Variants in TMEM74 observed in about 807,000 individuals in gnomAD.
TMEM74 encodes the protein transmembrane protein 74.
TMEM74 carries 13 observed loss-of-function variants against 18.1 expected under a neutral mutation model. The observed-to-expected ratio is 0.72, with a 90% CI of 0.47 to 1.14. TMEM74 has a LOEUF of 1.14. TMEM74 is among the 50% of genes most tolerant of loss of function. The pLI, the probability that TMEM74 is intolerant of heterozygous loss-of-function variation, is 0.00. For missense variants in TMEM74, 372 were observed against 375.9 expected, an observed-to-expected ratio of 0.99 and a Z score of 0.09; for synonymous variants, 159 against 146.6, an observed-to-expected ratio of 1.08 and a Z score of -0.61.
At chr8:108,722,452 C>T (rs1303939680) in intron 1 of TMEM74, among the ~76,000 whole-genome samples, 1 of 152,168 alleles carries the variant, frequency 6.6e-6, no homozygotes, top group East Asian at 1.9e-4. Context: ...CAAAACTTTG[C>T]CACCAAAAAC....
chr8:108,736,511 A>C (rs2130643012), intron 1 of TMEM74, among the ~76,000 whole-genome samples: 1 of 152,142 alleles, frequency 6.6e-6, no homozygotes, highest in East Asian at 1.9e-4. Context: ...GGTATCATAG[A>C]AGCTATAGTT....
intron 1 of TMEM74, among the ~76,000 whole-genome samples, chr8:108,667,124 C>T (rs1258751954): frequency 1.3e-5 from 2 of 152,024 alleles, no homozygotes; most frequent in African/African-American, 2.4e-5. Context: ...ATGTGCTTTT[C>T]GAAGTGGCCA....
At chr8:108,761,862 C>T (rs932307249) in intron 1 of TMEM74, among the ~76,000 whole-genome samples, 14 of 152,026 alleles carry the variant, frequency 9.2e-5, no homozygotes, top group African/African-American at 3.1e-4. Context: ...CAAAAAAATT[C>T]GTCAAACACT....
intron 2 of TMEM74, chr8:108,626,859 G>A (rs182471782): frequency 1.1e-4 from 17 of 152,052 alleles, no homozygotes; most frequent in African/African-American, 3.9e-4. Context: ...ACCTCAGGAA[G>A]ATTCCCAAAT....
intron 1 of TMEM74, among the ~76,000 whole-genome samples, chr8:108,739,667 T>A (rs1276683870): frequency 3.3e-5 from 5 of 152,186 alleles, no homozygotes. Context: ...TGTGATTTTA[T>A]GTCAGAAGAT....
intron 1 of TMEM74, among the ~76,000 whole-genome samples, chr8:108,738,025 C>A (rs1356609505): frequency 6.6e-6 from 1 of 152,156 alleles, no homozygotes. Context: ...TTTTTACTAT[C>A]TCTTTAACTG....
At chr8:108,621,725 A>G (rs922517314) in intron 2 of TMEM74, among the ~76,000 whole-genome samples, 17 of 152,156 alleles carry the variant, frequency 1.1e-4, no homozygotes, top group Non-Finnish European at 1.0e-4. Flanking sequence ...TCTGCATTCA[A>G]ATCATCTTTG....
At chr8:108,757,721 A>G (rs1366049281) in intron 1 of TMEM74, among the ~76,000 whole-genome samples, 2 of 151,974 alleles carry the variant, frequency 1.3e-5, no homozygotes, top group Non-Finnish European at 2.9e-5. Context: ...ATGACACCAT[A>G]ATTAATAATG....
At chr8:108,759,831 G>T (rs185588878) in intron 1 of TMEM74, among the ~76,000 whole-genome samples, 1 of 152,232 alleles carries the variant, frequency 6.6e-6, no homozygotes, top group African/African-American at 2.4e-5. Context: ...TAAGATAAAC[G>T]TGCTGGGTTA....
chr8:108,641,500 G>T (rs951762191), intron 2 of TMEM74, among the ~76,000 whole-genome samples: 1 of 152,042 alleles, frequency 6.6e-6, no homozygotes, highest in African/African-American at 2.4e-5. Flanking sequence ...CTCCTGCTGT[G>T]CAGTCCATGT....
At position 108,638,563 on chromosome 8, in the gene TMEM74, T is replaced by TG. The variant is rs1812629983; in HGVS notation, n.264+16729_264+16730insC. On this transcript the variant is annotated intron_variant and non_coding_transcript_variant, in intron 2 of 3. Coordinates refer to the TMEM74 transcript ENST00000518838. ...GGTGAAATTTCCAAAGTCTCTAGCATTAAAAAAAAAAAAAAAAGTTTATCG... is the reference window on the plus strand; with the variant it reads ...GGTGAAATTTCCAAAGTCTCTAGCATGTAAAAAAAAAAAAAAAAGTTTATCG... Among the ~76,000 whole-genome samples the TG allele has an allele frequency of 3.7e-5, 5 of 136,432 alleles. No homozygotes were observed. In the East Asian group the frequency reaches 1.1e-3, roughly 30 times the overall value. The allele number at this position is 136,432 out of a possible 152,430, so 89.5% of individuals were successfully genotyped here.
intron 1 of TMEM74, among the ~76,000 whole-genome samples, chr8:108,761,108 G>A (rs764164359): frequency 2.0e-5 from 3 of 151,508 alleles, no homozygotes; most frequent in Non-Finnish European, 2.9e-5. Flanking sequence ...TCATCAATTC[G>A]TTCCTCCATC....
chr8:108,673,202 C>T (rs1232587186), intron 1 of TMEM74, among the ~76,000 whole-genome samples: 1 of 152,178 alleles, frequency 6.6e-6, no homozygotes, highest in African/African-American at 2.4e-5. Flanking sequence ...ATTTAAAAAT[C>T]CTATGAGCTG....
At chr8:108,677,320 G>T (rs372529167) in intron 1 of TMEM74, among the ~76,000 whole-genome samples, 33 of 152,136 alleles carry the variant, frequency 2.2e-4, no homozygotes, top group African/African-American at 7.9e-4. Context: ...AAACAAATGT[G>T]TTAATACTGA....
intron 2 of TMEM74, chr8:108,652,544 A>C: frequency 3.7e-6 from 2 of 544,928 alleles, no homozygotes; most frequent in Non-Finnish European, 6.9e-6. Flanking sequence ...GCTCATTCTC[A>C]AACAATTTGG....
At chr8:108,717,942 G>GTTTTTTTTTTT (rs869263977) in intron 1 of TMEM74, among the ~76,000 whole-genome samples, 2 of 45,920 alleles carry the variant, frequency 4.4e-5, no homozygotes, top group Non-Finnish European at 7.0e-5. Context: ...TCTGACTTAG[G>GTTTTTTTTTTT]TTTTTTTTTT....
rs549689524 is a variant in TMEM74, at chr8:108,654,032, T to C, written n.264+1261A>G. ...AACATACTTACATAAATAAAAAATA[T>C]TAAAAAGCAAACAGTGGTTGAAGGT... is the stretch of plus-strand genomic sequence containing the variant. On this transcript the variant is annotated intron_variant and non_coding_transcript_variant, in intron 2 of 3. Coordinates refer to the TMEM74 transcript ENST00000518838. 3.0e-4 allele frequency among the ~76,000 whole-genome samples: 46 copies of C among 152,296 alleles called. No individual in the cohort carries two copies. The Middle Eastern group carries it at 0.01, about 34-fold the overall frequency.
chr8:108,718,370 G>A (rs909653540), intron 1 of TMEM74, among the ~76,000 whole-genome samples: 3 of 152,126 alleles, frequency 2.0e-5, no homozygotes, highest in African/African-American at 2.4e-5. Context: ...TACAGCATAT[G>A]GATATACTTT....
At chr8:108,686,485 AC>A (rs1315168039) in intron 1 of TMEM74, among the ~76,000 whole-genome samples, 1 of 151,874 alleles carries the variant, frequency 6.6e-6, no homozygotes, top group Non-Finnish European at 1.5e-5. Context: ...TACAGGCGTG[AC>A]CCACCGCGCC....
Sources: gnomAD v4.1 joint callset for allele counts (sites outside exome capture counted in the v4.1 genomes callset) on GRCh38, gnomAD v4.1.1 for gene constraint, MANE v1.5 for transcripts, NCBI Gene and HGNC (gene_info 2026-07-23, HGNC 2026-07-21) for gene names.